The following HSPA12A variants were observed in gnomAD, a reference collection of about 807,000 sequenced individuals.
HSPA12A encodes heat shock protein family A (Hsp70) member 12A, also known as heat shock 70 kDa protein 12A.
HSPA12A carries 28 observed loss-of-function variants against 69.2 expected under a neutral mutation model. The ratio of observed to expected loss-of-function variants is 0.40; its 90% CI spans 0.30 to 0.55. HSPA12A has a LOEUF of 0.55. HSPA12A is among the 20% of genes least tolerant of loss of function. The pLI is 0.38. For missense variants in HSPA12A, 686 were observed against 900.7 expected (o/e 0.76, Z 3.05); for synonymous variants, 345 against 370.5 (o/e 0.93, Z 0.79).
At chr10:116,849,551 C>G in intron 1 of HSPA12A, 16 of 1,524,766 alleles carry the variant, frequency 1.0e-5, no homozygotes, top group Non-Finnish European at 1.4e-5. Context: ...CCCGCTGTAG[C>G]CTTAAATCTC....
At chr10:116,754,230 A>G (rs1554888582) in intron 2 of HSPA12A, among the ~76,000 whole-genome samples, 1 of 152,196 alleles carries the variant, frequency 6.6e-6, no homozygotes, top group Non-Finnish European at 1.5e-5. Context: ...GTCTTCACTC[A>G]TAACGGGGAA....
chr10:116,849,101 G>C (rs1845968701), intron 1 of HSPA12A, among the ~76,000 whole-genome samples: 1 of 152,148 alleles, frequency 6.6e-6, no homozygotes, highest in African/African-American at 2.4e-5. Context: ...GGCGGCCTTA[G>C]CAACCCGGAG....
chr10:116,707,127 A>C (rs1850275222), intron 2 of HSPA12A, 73 bp downstream of exon 2: 2 of 1,224,584 alleles, frequency 1.6e-6, no homozygotes, highest in Non-Finnish European at 2.3e-6. Context: ...GTCAGTACGC[A>C]CGTGTGCTCA....
At chr10:116,681,986 T>G in intron 7 of HSPA12A, 109 bp from the exon 8 acceptor site, 1 of 953,622 alleles carries the variant, frequency 1.0e-6, no homozygotes, top group Non-Finnish European at 1.6e-6. Context: ...GATGGAACAT[T>G]AGTGACATTT....
chr10:116,742,047 C>A (rs1408545798), intron 1 of HSPA12A, among the ~76,000 whole-genome samples: 4 of 152,164 alleles, frequency 2.6e-5, no homozygotes, highest in African/African-American at 9.6e-5. Context: ...GCCCTTTACC[C>A]AGCCAGCGCC....
chr10:116,678,324 C>T (rs1255309898), intron 10 of HSPA12A, among the ~76,000 whole-genome samples: 1 of 139,794 alleles, frequency 7.2e-6, no homozygotes, highest in African/African-American at 2.7e-5. Flanking sequence ...TCTGATTAAA[C>T]CTCTAAGTCC....
At chr10:116,751,724 A>G (rs1444530476) in intron 2 of HSPA12A, among the ~76,000 whole-genome samples, 2 of 152,092 alleles carry the variant, frequency 1.3e-5, no homozygotes, top group African/African-American at 2.4e-5. Context: ...GTGACTCCCA[A>G]TGTTGGAGGT....
intron 2 of HSPA12A, among the ~76,000 whole-genome samples, chr10:116,813,208 C>T (rs546911090): frequency 3.4e-5 from 5 of 148,632 alleles, no homozygotes; most frequent in African/African-American, 1.2e-4. Flanking sequence ...CCAGCTCCTA[C>T]TTTATCTGCC....
intron 2 of HSPA12A, among the ~76,000 whole-genome samples, chr10:116,706,221 A>T (rs1850245003): frequency 1.4e-5 from 2 of 147,386 alleles, no homozygotes; most frequent in Non-Finnish European, 3.0e-5. Flanking sequence ...AGCAGTTTAC[A>T]CTTTTTTTTT....
At chr10:116,835,129 C>T (rs1012246890) in intron 1 of HSPA12A, 19 of 578,516 alleles carry the variant, frequency 3.3e-5, no homozygotes, top group Admixed American at 4.8e-5. Flanking sequence ...AGGCAGCACC[C>T]GGCAGGAGGG....
chr10:116,726,568 A>G (rs1351051477), intron 1 of HSPA12A, among the ~76,000 whole-genome samples: 1 of 151,984 alleles, frequency 6.6e-6, no homozygotes, highest in Non-Finnish European at 1.5e-5. Flanking sequence ...CCTTGGGTAG[A>G]CCATCCCCAA....
In HSPA12A at chr10:116,674,758, G is replaced by T; in HGVS notation, c.*23C>A. 6.3e-7 allele frequency: 1 copy of T among 1,587,814 alleles called. No individual in the cohort carries two copies. Among genetic ancestry groups the T allele is most frequent in the South Asian group, 1.1e-5 (1 of 89,258 alleles). ...AGATGCAGATAAGTTGAGTCCAAGG[G>T]GACAGGCAGCGGGGCGGGAGGGTTA... is the stretch of plus-strand genomic sequence containing the variant. On this transcript the variant is annotated 3_prime_UTR_variant, in exon 12 of 12. Coordinates refer to ENST00000369209, the MANE Select transcript of HSPA12A (RefSeq NM_025015.3).
At chr10:116,736,193 G>T (rs1207937322) in intron 1 of HSPA12A, among the ~76,000 whole-genome samples, 1 of 152,088 alleles carries the variant, frequency 6.6e-6, no homozygotes, top group Non-Finnish European at 1.5e-5. Context: ...CTCAGAAGGG[G>T]CTAAATCAGC....
chr10:116,682,539 T>A (rs1413572147), intron 7 of HSPA12A, among the ~76,000 whole-genome samples: 1 of 151,846 alleles, frequency 6.6e-6, no homozygotes, highest in African/African-American at 2.4e-5. Flanking sequence ...GGCAAACCCC[T>A]GTGCTGCCTT....
intron 1 of HSPA12A, among the ~76,000 whole-genome samples, chr10:116,732,156 C>G (rs927593380): frequency 6.6e-6 from 1 of 151,830 alleles, no homozygotes; most frequent in Non-Finnish European, 1.5e-5. Flanking sequence ...CGTGATGAAA[C>G]GCCGTCTCTA....
chr10:116,681,919 A>G (rs1197824199), intron 7 of HSPA12A, 42 bp from the exon 8 acceptor site: 7 of 1,576,828 alleles, frequency 4.4e-6, no homozygotes, highest in Non-Finnish European at 4.4e-6. Flanking sequence ...GTAAGAAAGC[A>G]TGAAAAAGCA....
intron 2 of HSPA12A, among the ~76,000 whole-genome samples, chr10:116,776,262 C>T (rs1554891126): frequency 6.6e-6 from 1 of 152,212 alleles, no homozygotes; most frequent in African/African-American, 2.4e-5. Context: ...GCCTGGACGC[C>T]CCCCTCTGCC....
At chr10:116,694,692 C>T (rs1849834774) in intron 5 of HSPA12A, among the ~76,000 whole-genome samples, 1 of 152,194 alleles carries the variant, frequency 6.6e-6, no homozygotes, top group Non-Finnish European at 1.5e-5. Context: ...GCGCTCTGCA[C>T]TCTCTGCTCC....
intron 2 of HSPA12A, among the ~76,000 whole-genome samples, chr10:116,810,140 CTTT>C (rs1038195626): frequency 5.3e-5 from 8 of 152,290 alleles, no homozygotes; most frequent in African/African-American, 1.7e-4. Context: ...GGTGTTTCTT[CTTT>C]TGTTTTGTTT....
Sources: allele counts gnomAD v4.1 joint callset (sites outside exome capture counted in the v4.1 genomes callset), GRCh38; gene constraint gnomAD v4.1.1; transcripts MANE v1.5; gene names NCBI Gene and HGNC (gene_info 2026-07-23, HGNC 2026-07-21).